The following PARVA variants were observed in gnomAD, a reference collection of about 807,000 sequenced individuals.
PARVA encodes the protein alpha-parvin.
In PARVA, 25 loss-of-function variants were observed where a neutral mutation model predicts 52.6. The observed-to-expected ratio is 0.48, with a 90% confidence interval of 0.35 to 0.66. The LOEUF (loss-of-function observed/expected upper bound fraction) is 0.66. PARVA is among the 30% of genes least tolerant of loss of function. The pLI is 0.01. For missense variants in PARVA, 373 were observed against 450.9 expected (o/e 0.83, Z 1.56); for synonymous variants, 185 against 179.1 (o/e 1.03, Z -0.26).
At chr11:12,524,926 G>A (rs1056910907) in intron 12 of PARVA, among the ~76,000 whole-genome samples, 1 of 152,242 alleles carries the variant, frequency 6.6e-6, no homozygotes, top group African/African-American at 2.4e-5. Flanking sequence ...ACATAAAACA[G>A]GACCCCTGCG....
chr11:12,381,986 G>A (rs1029228820), intron 1 of PARVA, among the ~76,000 whole-genome samples: 2 of 152,190 alleles, frequency 1.3e-5, no homozygotes, highest in African/African-American at 4.8e-5. Context: ...TGAAAAATAT[G>A]CGAGAACCTC....
chr11:12,487,421 T>C (rs1004043089), intron 4 of PARVA, among the ~76,000 whole-genome samples: 24 of 152,246 alleles, frequency 1.6e-4, no homozygotes, highest in South Asian at 4.1e-4. Context: ...AAAACCTCTA[T>C]GGCTGAGCTA....
Position 12,508,577 on chromosome 11 carries a change from A to G in PARVA, c.658-7A>G. ...CCTCCCAACCCCTTTCCCCACCCCC[A>G]TTTCAGAAACGAGAAGGAATCCTCC... On this transcript the variant is annotated splice_region_variant and splice_polypyrimidine_tract_variant and intron_variant, in intron 6 of 12. Coordinates refer to ENST00000334956, the MANE Select transcript of PARVA (RefSeq NM_018222.5). The G allele has an allele frequency of 6.2e-7, 1 of 1,605,216 alleles. No individual in the cohort carries two copies. The highest frequency in any genetic ancestry group is 8.5e-7 in the Non-Finnish European group (1 of 1,173,962).
intron 6 of PARVA, among the ~76,000 whole-genome samples, chr11:12,504,769 A>ATGTGGGTG (rs1554901947): frequency 4.1e-5 from 1 of 24,668 alleles, no homozygotes; most frequent in Non-Finnish European, 1.0e-4. Context: ...GAGGAAAGGT[A>ATGTGGGTG]TGTGGGTGTG....
chr11:12,486,605 G>A (rs1357144779), intron 4 of PARVA, among the ~76,000 whole-genome samples: 1 of 152,174 alleles, frequency 6.6e-6, no homozygotes, highest in East Asian at 1.9e-4. Flanking sequence ...CAGCACTTTA[G>A]GAGGCCGAGG....
intron 5 of PARVA, among the ~76,000 whole-genome samples, chr11:12,499,477 T>C (rs999164786): frequency 3.3e-5 from 5 of 152,110 alleles, no homozygotes; most frequent in Admixed American, 1.3e-4. Flanking sequence ...ATTTTCATTA[T>C]TGAAAATTTA....
At chr11:12,416,565 G>A (rs1056118765) in intron 1 of PARVA, among the ~76,000 whole-genome samples, 2 of 152,134 alleles carry the variant, frequency 1.3e-5, no homozygotes, top group Non-Finnish European at 1.5e-5. Flanking sequence ...AACCTTCGCC[G>A]ACTCCAGCGC....
intron 1 of PARVA, among the ~76,000 whole-genome samples, chr11:12,467,568 A>G (rs1940869615): frequency 6.6e-6 from 1 of 152,328 alleles, no homozygotes; most frequent in South Asian, 2.1e-4. Flanking sequence ...TCACATAGAG[A>G]AACATTGCTG....
chr11:12,466,055 T>A (rs1940850526), intron 1 of PARVA, among the ~76,000 whole-genome samples: 1 of 152,214 alleles, frequency 6.6e-6, no homozygotes, highest in South Asian at 2.1e-4. Flanking sequence ...TGATGTCTAG[T>A]GATATCTCAT....
chr11:12,431,256 T>C (rs1337255970), intron 1 of PARVA, among the ~76,000 whole-genome samples: 1 of 152,208 alleles, frequency 6.6e-6, no homozygotes, highest in Non-Finnish European at 1.5e-5. Context: ...TTCCAGACCC[T>C]GCTGTGGTAT....
intron 1 of PARVA, among the ~76,000 whole-genome samples, chr11:12,387,825 CATCCAGAAAAGCTTG>C (rs933245769): frequency 5.3e-5 from 8 of 151,962 alleles, no homozygotes; most frequent in Non-Finnish European, 8.8e-5. Flanking sequence ...TCTTTGTTTT[CATCCAGAAAAGCTTG>C]CTTTTCTGAA....
intron 1 of PARVA, among the ~76,000 whole-genome samples, chr11:12,428,391 G>A (rs1242559131): frequency 6.6e-6 from 1 of 152,154 alleles, no homozygotes; most frequent in Non-Finnish European, 1.5e-5. Flanking sequence ...TAACAGTAGG[G>A]CACTCAATCA....
intron 5 of PARVA, among the ~76,000 whole-genome samples, chr11:12,503,078 G>A (rs574121015): frequency 2.0e-5 from 3 of 152,288 alleles, no homozygotes; most frequent in African/African-American, 7.2e-5. Flanking sequence ...CTTCTCTGGT[G>A]TAAATGGCTT....
At chr11:12,409,872 A>G (rs1564840539) in intron 1 of PARVA, among the ~76,000 whole-genome samples, 1 of 152,234 alleles carries the variant, frequency 6.6e-6, no homozygotes, top group South Asian at 2.1e-4. Flanking sequence ...AGTTTAGTAC[A>G]TTCCAGTATT....
intron 1 of PARVA, among the ~76,000 whole-genome samples, chr11:12,438,039 T>A (rs534432329): frequency 6.6e-6 from 1 of 152,156 alleles, no homozygotes; most frequent in East Asian, 1.9e-4. Context: ...GGCGGGTGGA[T>A]CACGATGTCA....
At chr11:12,518,388 A>G (rs1282416385) in intron 11 of PARVA, 57 bp from the exon 12 acceptor site, 1 of 1,327,040 alleles carries the variant, frequency 7.5e-7, no homozygotes, top group East Asian at 2.3e-5. Context: ...TCCCAGGGCC[A>G]GGTCCTGGGG....
intron 1 of PARVA, chr11:12,398,156 C>T (rs1178556838): frequency 6.6e-6 from 1 of 152,050 alleles, no homozygotes; most frequent in Non-Finnish European, 1.5e-5. Flanking sequence ...AGCAGACACC[C>T]AAATGATGAA....
chr11:12,486,592 T>C (rs903417273), intron 4 of PARVA, among the ~76,000 whole-genome samples: 1 of 152,068 alleles, frequency 6.6e-6, no homozygotes, highest in Admixed American at 6.6e-5. Flanking sequence ...ATGCCTGTAA[T>C]CCCAGCACTT....
chr11:12,394,335 T>C (rs1238734175), intron 1 of PARVA, among the ~76,000 whole-genome samples: 1 of 152,190 alleles, frequency 6.6e-6, no homozygotes, highest in Non-Finnish European at 1.5e-5. Flanking sequence ...TGAATCCTGC[T>C]TCAAACAAAT....
Sources: allele counts gnomAD v4.1 joint callset (sites outside exome capture counted in the v4.1 genomes callset), GRCh38; gene constraint gnomAD v4.1.1; transcripts MANE v1.5; gene names NCBI Gene and HGNC (gene_info 2026-07-23, HGNC 2026-07-21).